KLRG1: variants seen among roughly 807,000 people sequenced by gnomAD.
The protein encoded by KLRG1 is killer cell lectin like receptor G1.
A neutral mutation model predicts 21.8 loss-of-function variants in KLRG1; 16 were observed. The ratio of observed to expected loss-of-function variants is 0.73; its 90% CI spans 0.50 to 1.11. KLRG1 has a LOEUF of 1.11. KLRG1 is among the 50% of genes most tolerant of loss of function. KLRG1 has a pLI of 0.00. For missense variants in KLRG1, 173 were observed against 218.3 expected (o/e 0.79, Z 1.31); for synonymous variants, 69 against 75.9 (o/e 0.91, Z 0.47).
the KLRG1 span, chr12:9,089,891 G>A: frequency 1.2e-6 from 2 of 1,602,024 alleles, no homozygotes; most frequent in Non-Finnish European, 1.7e-6. Context: ...ATATTATTTA[G>A]GTTTACTTAC....
chr12:9,028,802 C>T, the KLRG1 span: 1 of 619,520 alleles, frequency 1.6e-6, no homozygotes, highest in Non-Finnish European at 3.1e-6. Context: ...GGCACCTGGT[C>T]TTTGAGAATC....
chr12:9,182,548 G>GT, the KLRG1 span, among the ~76,000 whole-genome samples: 1 of 152,028 alleles, frequency 6.6e-6, no homozygotes, highest in Non-Finnish European at 1.5e-5. Context: ...AGCTCTGTAT[G>GT]TAAAAAAAAG....
the KLRG1 span, chr12:9,072,885 A>AC: frequency 6.2e-7 from 1 of 1,607,342 alleles, no homozygotes; most frequent in Non-Finnish European, 8.5e-7. Context: ...TTAGAGACAG[A>AC]TGAGTGAGAG....
At chr12:9,078,854 T>C in the KLRG1 span, among the ~76,000 whole-genome samples, 1 of 152,174 alleles carries the variant, frequency 6.6e-6, no homozygotes, top group African/African-American at 2.4e-5. Flanking sequence ...CTCTTATTAA[T>C]GAATTCATTC....
At chr12:9,136,568 G>T in the KLRG1 span, among the ~76,000 whole-genome samples, 1 of 152,012 alleles carries the variant, frequency 6.6e-6, no homozygotes, top group Non-Finnish European at 1.5e-5. Context: ...TATATAATAT[G>T]CATATACATA....
chr12:9,013,190 A>T (rs1947655866), downstream of KLRG1, among the ~76,000 whole-genome samples: 1 of 152,172 alleles, frequency 6.6e-6, no homozygotes, highest in South Asian at 2.1e-4. Context: ...GCAGTGGCCA[A>T]AGACTTAGAT....
the KLRG1 span, chr12:9,093,567 A>G: frequency 6.3e-7 from 1 of 1,597,802 alleles, no homozygotes; most frequent in Non-Finnish European, 8.5e-7. Context: ...GCCTCTTCCC[A>G]TTACATCTGA....
At chr12:9,152,080 T>C in the KLRG1 span, 1 of 690,340 alleles carries the variant, frequency 1.4e-6, no homozygotes, top group Non-Finnish European at 2.6e-6. Flanking sequence ...AACTAAATAG[T>C]TCATTTACTT....
chr12:9,147,681 C>T, the KLRG1 span, among the ~76,000 whole-genome samples: 2 of 152,150 alleles, frequency 1.3e-5, no homozygotes, highest in African/African-American at 2.4e-5. Flanking sequence ...CTTCACTTCT[C>T]CACTCATGTA....
chr12:9,077,572 T>C, the KLRG1 span: 1 of 1,495,946 alleles, frequency 6.7e-7, no homozygotes, highest in Non-Finnish European at 9.1e-7. Flanking sequence ...TATCCCCTCT[T>C]TTTTGGTGCC....
the KLRG1 span, among the ~76,000 whole-genome samples, chr12:9,140,533 T>A: frequency 6.6e-6 from 1 of 152,244 alleles, no homozygotes. Context: ...TGCATTATTA[T>A]ACTTGGTTTA....
chr12:9,151,177 A>G, the KLRG1 span, among the ~76,000 whole-genome samples: 1 of 152,234 alleles, frequency 6.6e-6, no homozygotes, highest in Non-Finnish European at 1.5e-5. Flanking sequence ...TTAGAATGTT[A>G]ACATTATCAT....
chr12:9,112,750 G>A, the KLRG1 span: 1 of 548,250 alleles, frequency 1.8e-6, no homozygotes, highest in South Asian at 2.1e-5. Flanking sequence ...CAGTAAGAGA[G>A]GTTGTAAGTG....
At chr12:8,982,428 T>A (rs187214163) in intron 1 of KLRG1, among the ~76,000 whole-genome samples, 1 of 152,334 alleles carries the variant, frequency 6.6e-6, no homozygotes, top group Admixed American at 6.5e-5. Context: ...TTTGGACTTC[T>A]GACCTACAAA....
the KLRG1 span, chr12:9,157,381 C>T: frequency 8.8e-6 from 14 of 1,597,194 alleles, 1 homozygote; most frequent in South Asian, 1.6e-4. Flanking sequence ...GTGGTTGTGT[C>T]AAACTAGGGT....
At chr12:9,131,323 C>CTA in the KLRG1 span, among the ~76,000 whole-genome samples, 1 of 152,080 alleles carries the variant, frequency 6.6e-6, no homozygotes, top group Non-Finnish European at 1.5e-5. Context: ...TGAGAGTTTA[C>CTA]TATACATTTT....
At chr12:9,202,545 A>G in the KLRG1 span, 2 of 1,614,110 alleles carry the variant, frequency 1.2e-6, no homozygotes, top group Non-Finnish European at 8.5e-7. Context: ...TGGTTTATAC[A>G]TGGGTTTGTC....
At chr12:9,033,819 A>C in the KLRG1 span, among the ~76,000 whole-genome samples, 1 of 152,160 alleles carries the variant, frequency 6.6e-6, no homozygotes, top group African/African-American at 2.4e-5. Flanking sequence ...CTCATCCCAG[A>C]AGTAGCAGAT....
chr12:9,095,061 G>A, the KLRG1 span: 15 of 1,590,246 alleles, frequency 9.4e-6, no homozygotes, highest in Admixed American at 1.5e-4. Context: ...TCTTTGAGTT[G>A]GTGAATGCCT....
Sources: gnomAD v4.1 joint callset for allele counts (sites outside exome capture counted in the v4.1 genomes callset) on GRCh38, gnomAD v4.1.1 for gene constraint, MANE v1.5 for transcripts, NCBI Gene and HGNC (gene_info 2026-07-23, HGNC 2026-07-21) for gene names.